The following PACS1 variants were observed in gnomAD, a reference collection of about 807,000 sequenced individuals.
PACS1 encodes the protein phosphofurin acidic cluster sorting protein 1.
A neutral mutation model predicts 115.0 loss-of-function variants in PACS1; 24 were observed. The ratio of observed to expected loss-of-function variants is 0.21; its 90% CI spans 0.15 to 0.29. The LOEUF is 0.29. Among genes scored for constraint, PACS1 ranks in the 10% least tolerant of loss-of-function variants. The pLI, the probability that PACS1 is intolerant of heterozygous loss-of-function variation, is 1.00. For synonymous variants in PACS1, 453 were observed against 504.5 expected (o/e 0.90, Z 1.37); for missense variants, 838 against 1,251.2 (o/e 0.67, Z 4.98).
At chr11:66,227,670 C>A in intron 11 of PACS1, 86 bp downstream of exon 11, 1 of 807,208 alleles carries the variant, frequency 1.2e-6, no homozygotes, top group Non-Finnish European at 2.0e-6. Context: ...CTCAGGACCA[C>A]CATAGAAATT....
At chr11:66,172,456 T>TA (rs1368196740) in intron 1 of PACS1, among the ~76,000 whole-genome samples, 3 of 152,200 alleles carry the variant, frequency 2.0e-5, no homozygotes, top group Non-Finnish European at 4.4e-5. Flanking sequence ...GTCATGAGGT[T>TA]ATCAAGCAGT....
At chr11:66,219,952 A>G in intron 8 of PACS1, 147 bp downstream of exon 8, 1 of 709,138 alleles carries the variant, frequency 1.4e-6, no homozygotes. Flanking sequence ...GTAGAGCCCT[A>G]AGGGAGAGGG....
Position 66,216,113 on chromosome 11 carries a change from T to G in PACS1, c.661-6T>G, listed in dbSNP as rs201949745. 3.7e-6 allele frequency: 6 copies of G among 1,613,620 alleles called. No homozygotes were observed. The Admixed American group carries it at 1.0e-4, about 27-fold the overall frequency. On this transcript the variant is annotated splice_polypyrimidine_tract_variant and splice_region_variant and intron_variant, in intron 4 of 23. Transcript: ENST00000320580. ...ACACGCCTCCACCACCTCCCCTGGC[T>G]CCTAGGTGATGCAGCATCCTAATGA...
Position 66,070,964 on chromosome 11 carries a change from GCCTGGCTCC to G in PACS1, c.356+123_356+131del. The G allele has an allele frequency of 1.9e-6, 2 of 1,066,336 alleles. No individual in the cohort carries two copies. The highest frequency in any genetic ancestry group is 6.6e-5 in the East Asian group (2 of 30,160). The allele number at this position is 1,066,336 out of a possible 1,614,324, so 66.1% of individuals were successfully genotyped here. On this transcript the variant is annotated intron_variant, in intron 1 of 23. Coordinates refer to ENST00000320580, the MANE Select transcript of PACS1 (RefSeq NM_018026.4). This position sits in a 1 kb window ranked among gnomAD's most constrained non-coding sequence, Gnocchi z 5.9. The stretch of plus-strand genomic sequence containing the variant: ...ATCTCCCCGACTGTCCCGCGGCCCG[GCCTGGCTCC>G]AGCCAGGCCTCCCGGGACTCCTGCC...
rs1193139198 is a variant in PACS1 at position 66,231,875 on chromosome 11, C to T, written c.1627-297C>T. Reference sequence around the variant, plus strand: ...CTGCTGCCCCTCCTGCCACCCACACCGTTTCCCATCCGCGAGGCTTGCTGC... The same window carrying T: ...CTGCTGCCCCTCCTGCCACCCACACTGTTTCCCATCCGCGAGGCTTGCTGC... On this transcript the variant is annotated intron_variant, in intron 13 of 23. Transcript: ENST00000320580. 1.3e-5 allele frequency: 4 copies of T among 315,322 alleles called. No homozygotes were observed. The East Asian group carries it at 2.0e-4, about 16-fold the overall frequency. 19.5% of individuals were successfully genotyped at this position (315,322 alleles called of 1,614,324 possible). A position where few individuals can be genotyped will look rare whatever the true frequency, so the allele number is the denominator to read the frequency against.
chr11:66,071,542 C>G (rs1002775546), intron 1 of PACS1, among the ~76,000 whole-genome samples: 1 of 152,192 alleles, frequency 6.6e-6, no homozygotes, highest in African/African-American at 2.4e-5. Context: ...TGGGGACTTT[C>G]CTTCCATTGG....
rs973157918 is a variant in PACS1 at position 66,235,150 on chromosome 11, A to T, written c.2105-151A>T. 1.8e-5 allele frequency: 11 copies of T among 606,726 alleles called. No homozygotes were observed. The highest frequency in any genetic ancestry group is 3.0e-5 in the Non-Finnish European group (10 of 334,148). 37.6% of individuals were successfully genotyped at this position (606,726 alleles called of 1,614,324 possible). On this transcript the variant is annotated intron_variant, in intron 17 of 23. Transcript: ENST00000320580. This position sits in a 1 kb window ranked among gnomAD's most constrained non-coding sequence, Gnocchi z 5.6. ...GGAGAGGACCATCCTTGGGCTCATG[A>T]TTCCTTCAAACCAGAAGGACCGTAG...
chr11:66,164,610 T>C (rs1279233843), intron 1 of PACS1, among the ~76,000 whole-genome samples: 5 of 145,050 alleles, frequency 3.4e-5, no homozygotes, highest in Admixed American at 2.8e-4. Flanking sequence ...ATAATACATA[T>C]ATATATGTAT....
rs1161566140 is a variant in PACS1, at chr11:66,169,823, T to C, written c.357-23663T>C. Among the ~76,000 whole-genome samples, 4 of 150,452 alleles carry C rather than the reference T, an allele frequency of 2.7e-5. No homozygotes were observed. The East Asian group carries it at 7.7e-4, about 29-fold the overall frequency. On this transcript the variant is annotated intron_variant, in intron 1 of 23. Transcript: ENST00000320580. Reference sequence around the variant, plus strand: ...TTTTCTTTCTTGGGTACTGAGGTTATGTTAATTTTATGAAATGAATTGGAA... The same window carrying C: ...TTTTCTTTCTTGGGTACTGAGGTTACGTTAATTTTATGAAATGAATTGGAA...
intron 2 of PACS1, among the ~76,000 whole-genome samples, chr11:66,203,355 C>T (rs1283689715): frequency 6.6e-6 from 1 of 151,920 alleles, no homozygotes; most frequent in African/African-American, 2.4e-5. Flanking sequence ...TCTAAATAGA[C>T]ACACAAAAAA....
chr11:66,086,176 C>A (rs572880216), intron 1 of PACS1, among the ~76,000 whole-genome samples: 1 of 135,562 alleles, frequency 7.4e-6, no homozygotes, highest in Admixed American at 8.7e-5. Flanking sequence ...CTCGCTCTGT[C>A]GCCCAGGCTG....
rs1364168373 is a variant in PACS1 at position 66,217,041 on chromosome 11, C to A, written c.978+266C>A. The A allele has an allele frequency of 2.8e-5, 13 of 470,106 alleles. 1 individual carries two copies. The highest frequency in any genetic ancestry group is 3.8e-5 in the Non-Finnish European group (10 of 259,938). 29.1% of individuals were successfully genotyped at this position (470,106 alleles called of 1,614,324 possible). A position where few individuals can be genotyped will look rare whatever the true frequency, so the allele number is the denominator to read the frequency against. On this transcript the variant is annotated intron_variant, in intron 7 of 23. Transcript: ENST00000320580. Reference sequence around the variant, plus strand: ...AGAACCCTTCTTGTAGAATTCAGAACAGATAGTGGTCCATCAGGGAACAGA... The same window carrying A: ...AGAACCCTTCTTGTAGAATTCAGAAAAGATAGTGGTCCATCAGGGAACAGA...
Position 66,233,965 on chromosome 11 carries a change from C to A in PACS1, c.1993+26C>A. 1 of 1,566,338 alleles carries A rather than the reference C, an allele frequency of 6.4e-7. No homozygotes were observed. The highest frequency in any genetic ancestry group is 1.2e-5 in the South Asian group (1 of 82,880). On this transcript the variant is annotated intron_variant, in intron 16 of 23. Transcript: ENST00000320580. The surrounding 1 kb of genome is among the most constrained non-coding windows in gnomAD (Gnocchi z 4.5). ...GTAAAGACGGGAGGCACCAGGAGGG[C>A]GTCGGGCATGAGGGTTCCATAGACA...
intron 1 of PACS1, among the ~76,000 whole-genome samples, chr11:66,145,982 TAC>T (rs2134601023): frequency 6.6e-6 from 1 of 152,290 alleles, no homozygotes; most frequent in Admixed American, 6.5e-5. Flanking sequence ...CAGGGCAAAT[TAC>T]TAAAGAAATA....
intron 1 of PACS1, among the ~76,000 whole-genome samples, chr11:66,150,076 A>G (rs550645501): frequency 9.2e-5 from 14 of 152,036 alleles, no homozygotes; most frequent in South Asian, 2.1e-4. Flanking sequence ...TATTTGTTCA[A>G]TTTCTCCCCC....
At chr11:66,220,829 C>A in intron 9 of PACS1, 38 bp downstream of exon 9, 1 of 1,603,146 alleles carries the variant, frequency 6.2e-7, no homozygotes, top group Non-Finnish European at 8.5e-7. Context: ...CCAGACTCTC[C>A]TTCCTGGCCA....
At chr11:66,185,901 C>T (rs1221585544) in intron 1 of PACS1, among the ~76,000 whole-genome samples, 1 of 152,106 alleles carries the variant, frequency 6.6e-6, no homozygotes, top group Admixed American at 6.5e-5. Context: ...GTGAACATTA[C>T]TTAAAGATAG....
chr11:66,185,181 C>T (rs1210862693), intron 1 of PACS1, among the ~76,000 whole-genome samples: 4 of 152,098 alleles, frequency 2.6e-5, no homozygotes, highest in Non-Finnish European at 5.9e-5. Flanking sequence ...GACCAAGATT[C>T]GTTGTTTTGT....
chr11:66,218,225 G>C (rs1302463659), intron 7 of PACS1: 1 of 151,994 alleles, frequency 6.6e-6, no homozygotes, highest in South Asian at 2.1e-4. Flanking sequence ...TATCAGCCTC[G>C]CAAGTTCATT....
Sources: allele counts gnomAD v4.1 joint callset (sites outside exome capture counted in the v4.1 genomes callset), GRCh38; gene constraint gnomAD v4.1.1; non-coding constraint Gnocchi (gnomAD v3.1); transcripts MANE v1.5; gene names NCBI Gene and HGNC (gene_info 2026-07-23, HGNC 2026-07-21).